Variants in SAMD5 observed in about 807,000 individuals in gnomAD.
The protein encoded by SAMD5 is sterile alpha motif domain-containing protein 5.
SAMD5 carries 13 observed loss-of-function variants against 11.3 expected under a neutral mutation model. That is an observed-to-expected ratio of 1.15 (90% confidence interval 0.75 to 1.83). SAMD5 has a LOEUF of 1.83. Among genes scored for constraint, SAMD5 ranks in the 40% most tolerant of loss-of-function variants. SAMD5 has a pLI of 0.00. For synonymous variants in SAMD5, 129 were observed against 111.3 expected (o/e 1.16, Z -1.00); for missense variants, 255 against 239.1 (o/e 1.07, Z -0.44).
At position 147,568,724 on chromosome 6, in the gene SAMD5, T is replaced by C. The variant is rs942381808; in HGVS notation, c.*4268T>C. The C allele has an allele frequency of 1.0e-6, 1 of 983,176 alleles. No homozygotes were observed. The highest frequency in any genetic ancestry group is 1.2e-6 in the Non-Finnish European group (1 of 827,972). The allele number at this position is 983,176 out of a possible 1,614,324, so 60.9% of individuals were successfully genotyped here. On this transcript the variant is annotated 3_prime_UTR_variant, in exon 2 of 2. Transcript: ENST00000367474. The stretch of plus-strand genomic sequence containing the variant: ...TTTTAGAGTTTTCTAATTTTACTCT[T>C]ATTAGCTCCCTCAGTTGTCATCAAT...
chr6:147,599,604 C>T (rs1211663335), intron 1 of SAMD5, among the ~76,000 whole-genome samples: 1 of 152,070 alleles, frequency 6.6e-6, no homozygotes, highest in Non-Finnish European at 1.5e-5. Context: ...CTGTGGTCTC[C>T]TTTGAGGCCT....
At chr6:147,637,528 C>T (rs1241159569) in intron 1 of SAMD5, among the ~76,000 whole-genome samples, 2 of 152,142 alleles carry the variant, frequency 1.3e-5, no homozygotes, top group African/African-American at 4.8e-5. Flanking sequence ...AGGCTATTGC[C>T]ATTTTGTGAC....
intron 1 of SAMD5, among the ~76,000 whole-genome samples, chr6:147,700,502 C>A (rs1365092014): frequency 6.6e-6 from 1 of 152,206 alleles, no homozygotes; most frequent in East Asian, 1.9e-4. Flanking sequence ...AACCCTGTGA[C>A]ACTGTAAACT....
chr6:147,634,080 A>G (rs769872784), intron 1 of SAMD5, among the ~76,000 whole-genome samples: 1 of 152,306 alleles, frequency 6.6e-6, no homozygotes, highest in East Asian at 1.9e-4. Context: ...AAATCGTACA[A>G]TGGGTAGTCT....
chr6:147,803,131 C>CTGTGTGTG, the SAMD5 span, among the ~76,000 whole-genome samples: 1,093 of 136,782 alleles, frequency 8.0e-3, 8 homozygotes, highest in East Asian at 0.013. Context: ...GCCTTCCTTT[C>CTGTGTGTG]TGTGTGTGTG....
the SAMD5 span, among the ~76,000 whole-genome samples, chr6:147,858,977 T>G: frequency 6.6e-6 from 1 of 152,170 alleles, no homozygotes; most frequent in Admixed American, 6.5e-5. Flanking sequence ...TATGTAGATA[T>G]ATATTAAGAA....
At chr6:147,921,728 T>C in the SAMD5 span, among the ~76,000 whole-genome samples, 1 of 152,132 alleles carries the variant, frequency 6.6e-6, no homozygotes, top group Non-Finnish European at 1.5e-5. Context: ...CAGCTGACAT[T>C]TCTTAAGCCA....
At chr6:147,839,474 C>A in the SAMD5 span, among the ~76,000 whole-genome samples, 6 of 152,118 alleles carry the variant, frequency 3.9e-5, no homozygotes, top group Non-Finnish European at 4.4e-5. Flanking sequence ...TTGGGCCGGG[C>A]GCAATGGCTC....
chr6:147,890,645 C>T, the SAMD5 span, among the ~76,000 whole-genome samples: 13 of 152,054 alleles, frequency 8.5e-5, no homozygotes, highest in African/African-American at 3.1e-4. Flanking sequence ...AGGCTTGAGC[C>T]ACTGTGCCAG....
downstream of SAMD5, among the ~76,000 whole-genome samples, chr6:147,570,941 G>C (rs1462350809): frequency 6.6e-6 from 1 of 152,142 alleles, no homozygotes; most frequent in Non-Finnish European, 1.5e-5. Flanking sequence ...GCTTTTGTCT[G>C]ATGTCAAATC....
the SAMD5 span, among the ~76,000 whole-genome samples, chr6:147,804,565 C>T: frequency 6.6e-6 from 1 of 152,162 alleles, no homozygotes; most frequent in Non-Finnish European, 1.5e-5. Context: ...GATAATCTAG[C>T]ATCAAAGTTT....
the SAMD5 span, among the ~76,000 whole-genome samples, chr6:147,761,060 C>G: frequency 6.6e-6 from 1 of 152,064 alleles, no homozygotes; most frequent in African/African-American, 2.4e-5. Context: ...ACATTTAAAA[C>G]TTCTTTAGCA....
intron 1 of SAMD5, among the ~76,000 whole-genome samples, chr6:147,641,412 T>C (rs1252640255): frequency 6.6e-6 from 1 of 152,148 alleles, no homozygotes; most frequent in East Asian, 1.9e-4. Context: ...TTGACCTTTA[T>C]TTGGAAGATG....
intron 1 of SAMD5, among the ~76,000 whole-genome samples, chr6:147,610,751 T>C (rs549124162): frequency 1.0e-4 from 15 of 149,642 alleles, no homozygotes; most frequent in African/African-American, 3.6e-4. Context: ...GTCTGCAACC[T>C]CATGGTTGCA....
intron 1 of SAMD5, among the ~76,000 whole-genome samples, chr6:147,513,436 G>C (rs1263395476): frequency 6.6e-6 from 1 of 152,196 alleles, no homozygotes; most frequent in Non-Finnish European, 1.5e-5. Context: ...GTTTAAGATT[G>C]TGATGTGATG....
At chr6:147,669,951 G>T (rs867718884) in intron 1 of SAMD5, among the ~76,000 whole-genome samples, 1 of 152,158 alleles carries the variant, frequency 6.6e-6, no homozygotes, top group South Asian at 2.1e-4. Context: ...AATTTACTTT[G>T]CCCAGATCCA....
At chr6:147,937,603 C>A in the SAMD5 span, among the ~76,000 whole-genome samples, 3 of 152,100 alleles carry the variant, frequency 2.0e-5, no homozygotes, top group Non-Finnish European at 4.4e-5. Flanking sequence ...GCAGGACTCG[C>A]TAGGAAAAAG....
intron 1 of SAMD5, among the ~76,000 whole-genome samples, chr6:147,614,675 G>T (rs186171658): frequency 6.6e-6 from 1 of 151,834 alleles, no homozygotes; most frequent in Non-Finnish European, 1.5e-5. Flanking sequence ...TTTGGGGTGG[G>T]GAAGGGTTGG....
At chr6:147,735,592 A>G (rs946006546) in intron 1 of SAMD5, among the ~76,000 whole-genome samples, 1 of 152,196 alleles carries the variant, frequency 6.6e-6, no homozygotes, top group Admixed American at 6.5e-5. Flanking sequence ...CTCTGATTTA[A>G]TCAAAATTTA....
Sources: gnomAD v4.1 joint callset for allele counts (sites outside exome capture counted in the v4.1 genomes callset) on GRCh38, gnomAD v4.1.1 for gene constraint, MANE v1.5 for transcripts, NCBI Gene and HGNC (gene_info 2026-07-23, HGNC 2026-07-21) for gene names.